The following PKIG variants were observed in gnomAD, a reference collection of about 807,000 sequenced individuals.
PKIG encodes protein kinase (cAMP-dependent, catalytic) inhibitor gamma.
Under a neutral mutation model 6.8 loss-of-function variants are expected in PKIG, and 1 was observed. The ratio of observed to expected loss-of-function variants is 0.15; its 90% CI spans 0.05 to 0.69. The LOEUF (loss-of-function observed/expected upper bound fraction) is 0.69. PKIG is among the 30% of genes least tolerant of loss of function. The probability of loss-of-function intolerance (pLI) is 0.82; values close to 1 mark genes in which losing one functional copy is unlikely to be tolerated. For synonymous variants in PKIG, 39 were observed against 43.0 expected, an observed-to-expected ratio of 0.91 and a Z score of 0.36; for missense variants, 77 against 104.0, an observed-to-expected ratio of 0.74 and a Z score of 1.13.
chr20:44,609,709 G>A (rs1042265470), intron 2 of PKIG, among the ~76,000 whole-genome samples: 2 of 152,212 alleles, frequency 1.3e-5, no homozygotes, highest in African/African-American at 4.8e-5. Flanking sequence ...TTCCCGTGGA[G>A]CTGACAGTCT....
chr20:44,540,549 G>C (rs967169173), intron 1 of PKIG, among the ~76,000 whole-genome samples: 7 of 151,746 alleles, frequency 4.6e-5, no homozygotes, highest in African/African-American at 1.7e-4. Context: ...CACATGTACT[G>C]ATGTTTTTGT....
At chr20:44,616,640 A>T (rs1347749326) in intron 3 of PKIG, among the ~76,000 whole-genome samples, 3 of 152,152 alleles carry the variant, frequency 2.0e-5, no homozygotes, top group Admixed American at 1.3e-4. Flanking sequence ...ACTGACATTT[A>T]AAAAGGGGGC....
chr20:44,540,703 G>A (rs1008279901), intron 1 of PKIG, among the ~76,000 whole-genome samples: 2 of 151,842 alleles, frequency 1.3e-5, no homozygotes, highest in African/African-American at 4.8e-5. Flanking sequence ...TCGGCCTCCT[G>A]AGTAGCTGGG....
At chr20:44,542,373 A>G (rs2064570093) in intron 1 of PKIG, among the ~76,000 whole-genome samples, 1 of 151,958 alleles carries the variant, frequency 6.6e-6, no homozygotes, top group Admixed American at 6.6e-5. Flanking sequence ...TTGCAAACCT[A>G]CCTACTCCGT....
chr20:44,588,860 A>G (rs977039998), intron 1 of PKIG, among the ~76,000 whole-genome samples: 1 of 152,160 alleles, frequency 6.6e-6, no homozygotes, highest in Non-Finnish European at 1.5e-5. Context: ...CTCACACTTG[A>G]TATGTTAGCT....
At chr20:44,615,876 C>G (rs2065259995) in intron 3 of PKIG, among the ~76,000 whole-genome samples, 2 of 152,114 alleles carry the variant, frequency 1.3e-5, no homozygotes, top group African/African-American at 4.8e-5. Flanking sequence ...TGCTCTGGGC[C>G]ACCCAGGGAG....
chr20:44,609,644 A>G (rs1281762371), intron 2 of PKIG, among the ~76,000 whole-genome samples: 1 of 152,262 alleles, frequency 6.6e-6, no homozygotes, highest in Non-Finnish European at 1.5e-5. Flanking sequence ...CTGTTGGCTC[A>G]GCTGCCAGGA....
intron 1 of PKIG, among the ~76,000 whole-genome samples, chr20:44,546,862 G>A (rs535409764): frequency 8.5e-4 from 130 of 152,140 alleles, no homozygotes; most frequent in African/African-American, 3.0e-3. Context: ...GCCCCTCACT[G>A]ATTTTAAATA....
Position 44,614,500 on chromosome 20 carries a change from C to T in PKIG, c.-23-34C>T. The T allele has an allele frequency of 6.4e-7, 1 of 1,558,488 alleles. No homozygotes were observed. The highest frequency in any genetic ancestry group is 8.8e-7 in the Non-Finnish European group (1 of 1,135,296). On this transcript the variant is annotated intron_variant, in intron 2 of 3. Transcript: ENST00000372886. This position sits in a 1 kb window ranked among gnomAD's most constrained non-coding sequence, Gnocchi z 4.6. ...GTCCTCTCTGCAGAATGCATCTGGA[C>T]TTACCTCTGCCCCCTTGCCTTCTGT...
intron 2 of PKIG, among the ~76,000 whole-genome samples, chr20:44,593,417 A>G (rs1028470670): frequency 1.3e-4 from 19 of 148,198 alleles, no homozygotes; most frequent in Admixed American, 1.2e-3. Flanking sequence ...ACACACGACT[A>G]TTACTCAGCC....
At chr20:44,553,379 G>A (rs1008300865) in intron 1 of PKIG, among the ~76,000 whole-genome samples, 2 of 152,158 alleles carry the variant, frequency 1.3e-5, no homozygotes, top group African/African-American at 4.8e-5. Flanking sequence ...TACATGTTAA[G>A]AGTAAACACA....
At chr20:44,561,279 G>A (rs1419334714) in intron 1 of PKIG, among the ~76,000 whole-genome samples, 2 of 152,218 alleles carry the variant, frequency 1.3e-5, no homozygotes, top group Admixed American at 6.5e-5. Flanking sequence ...AGAAGTTGCA[G>A]TGAGCCGAGA....
intron 2 of PKIG, among the ~76,000 whole-genome samples, chr20:44,604,730 G>A (rs557804917): frequency 1.2e-4 from 18 of 152,298 alleles, no homozygotes; most frequent in African/African-American, 3.9e-4. Flanking sequence ...CATTCATTCC[G>A]TAAGTAAGAG....
chr20:44,592,362 G>T (rs956334088), intron 2 of PKIG, among the ~76,000 whole-genome samples: 5 of 152,160 alleles, frequency 3.3e-5, no homozygotes, highest in African/African-American at 1.2e-4. Context: ...AGGGACAGCT[G>T]TTCTCTTACA....
Position 44,614,895 on chromosome 20 carries a change from C to T in PKIG, c.151+188C>T, listed in dbSNP as rs2065250670. ...TGGAAGATGTTTGAGTCTCAGGCCC[C>T]AAGGACTCCTCTGGACAGGCATCCG... On this transcript the variant is annotated intron_variant, in intron 3 of 3. Transcript: ENST00000372886. This position sits in a 1 kb window ranked among gnomAD's most constrained non-coding sequence, Gnocchi z 4.6. 1.6e-6 allele frequency: 1 copy of T among 620,656 alleles called. No individual in the cohort carries two copies. The highest frequency in any genetic ancestry group is 2.8e-6 in the Non-Finnish European group (1 of 359,860). The allele number at this position is 620,656 out of a possible 1,614,324, so 38.4% of individuals were successfully genotyped here. A position where few individuals can be genotyped will look rare whatever the true frequency, so the allele number is the denominator to read the frequency against.
intron 1 of PKIG, among the ~76,000 whole-genome samples, chr20:44,552,611 A>G (rs2064679096): frequency 6.6e-6 from 1 of 152,176 alleles, no homozygotes; most frequent in Non-Finnish European, 1.5e-5. Context: ...CCACTATGCA[A>G]CTGTATATAA....
chr20:44,606,540 G>C (rs1245609132), intron 2 of PKIG, among the ~76,000 whole-genome samples: 1 of 152,166 alleles, frequency 6.6e-6, no homozygotes, highest in African/African-American at 2.4e-5. Flanking sequence ...CAGGCATGGT[G>C]GCTCACGCTT....
chr20:44,558,202 CATT>C (rs758251577), intron 1 of PKIG, among the ~76,000 whole-genome samples: 10 of 152,248 alleles, frequency 6.6e-5, no homozygotes, highest in East Asian at 1.9e-4. Flanking sequence ...TTGTCCTCAT[CATT>C]GTGGTAGTAA....
intron 2 of PKIG, among the ~76,000 whole-genome samples, chr20:44,590,493 A>G (rs756056813): frequency 3.9e-5 from 6 of 152,238 alleles, no homozygotes; most frequent in Non-Finnish European, 5.9e-5. Flanking sequence ...TGTTTCTGGC[A>G]TAAGTTAATA....
Sources: gnomAD v4.1 joint callset for allele counts (sites outside exome capture counted in the v4.1 genomes callset) on GRCh38, gnomAD v4.1.1 for gene constraint, Gnocchi (gnomAD v3.1) non-coding constraint, MANE v1.5 for transcripts, NCBI Gene and HGNC (gene_info 2026-07-23, HGNC 2026-07-21) for gene names.